PTPRG: variants seen among roughly 807,000 people sequenced by gnomAD.
PTPRG encodes the protein protein tyrosine phosphatase receptor type G.
In PTPRG, 102 loss-of-function variants were observed where a neutral mutation model predicts 165.3. The observed-to-expected ratio is 0.62, with a 90% CI of 0.53 to 0.73. The LOEUF is 0.73. Among genes scored for constraint, PTPRG ranks in the 30% least tolerant of loss-of-function variants. PTPRG has a pLI of 0.00. For missense variants in PTPRG, 1,866 were observed against 1,861.4 expected, an observed-to-expected ratio of 1.00 and a Z score of -0.05; for synonymous variants, 675 against 669.5, an observed-to-expected ratio of 1.01 and a Z score of -0.13.
At position 62,178,804 on chromosome 3, in the gene PTPRG, A is replaced by G. The variant is rs1576101027; in HGVS notation, c.1033+10641A>G. ...TCTTCAAGGCCAACTTAGCAACCCT[A>G]CTCTGGCTTTCTTTGCTCACTAGAA... On this transcript the variant is annotated intron_variant, in intron 8 of 29. Transcript: ENST00000474889. Among the ~76,000 whole-genome samples the G allele has an allele frequency of 2.6e-5, 4 of 152,022 alleles. No homozygotes were observed. The East Asian group carries it at 7.7e-4, about 29-fold the overall frequency.
chr3:61,634,837 C>G (rs1701863243), intron 1 of PTPRG, among the ~76,000 whole-genome samples: 1 of 152,174 alleles, frequency 6.6e-6, no homozygotes, highest in South Asian at 2.1e-4. Flanking sequence ...GATGCCATAT[C>G]TGATATGCTG....
At chr3:61,795,014 G>A (rs1379593291) in intron 2 of PTPRG, among the ~76,000 whole-genome samples, 1 of 152,180 alleles carries the variant, frequency 6.6e-6, no homozygotes, top group Admixed American at 6.5e-5. Flanking sequence ...AGAAGCAGCA[G>A]TATCAATGAT....
Position 61,786,449 on chromosome 3 carries a change from G to A in PTPRG, c.190+37467G>A, listed in dbSNP as rs770734094. On this transcript the variant is annotated intron_variant, in intron 2 of 29. Coordinates refer to ENST00000474889, the MANE Select transcript of PTPRG (RefSeq NM_002841.4). ...TCATGAGTTATTTCATCAGTTGGTCGCTAGTTATGGTTCTTTATCTTTCAA... is the reference window on the plus strand; with the variant it reads ...TCATGAGTTATTTCATCAGTTGGTCACTAGTTATGGTTCTTTATCTTTCAA... Among the ~76,000 whole-genome samples the A allele has an allele frequency of 4.6e-5, 7 of 152,062 alleles. 1 individual carries two copies. The highest frequency in any genetic ancestry group is 2.0e-4 in the Admixed American group (3 of 15,266).
At chr3:61,953,010 T>A (rs2039934979) in intron 2 of PTPRG, among the ~76,000 whole-genome samples, 1 of 152,190 alleles carries the variant, frequency 6.6e-6, no homozygotes, top group Non-Finnish European at 1.5e-5. Context: ...TTTTGTGGCT[T>A]CCAATAGGTC....
chr3:61,587,226 A>G (rs567602281), intron 1 of PTPRG, among the ~76,000 whole-genome samples: 2 of 152,240 alleles, frequency 1.3e-5, no homozygotes, highest in African/African-American at 4.8e-5. Context: ...TGTAGCTATC[A>G]CTTATAATTT....
At chr3:62,152,671 T>C (rs1319252598) in intron 6 of PTPRG, among the ~76,000 whole-genome samples, 4 of 152,206 alleles carry the variant, frequency 2.6e-5, no homozygotes, top group Non-Finnish European at 5.9e-5. Flanking sequence ...TGAACTGAGA[T>C]GGGGGAAAAA....
chr3:62,103,346 C>T (rs1576006387), intron 5 of PTPRG, among the ~76,000 whole-genome samples: 1 of 151,268 alleles, frequency 6.6e-6, no homozygotes, highest in Admixed American at 6.6e-5. Context: ...ACCAGCTCCC[C>T]ACCAGTGCTA....
chr3:61,624,100 G>C (rs1330214308), intron 1 of PTPRG, among the ~76,000 whole-genome samples: 3 of 152,220 alleles, frequency 2.0e-5, no homozygotes, highest in African/African-American at 7.2e-5. Flanking sequence ...CCTTGATAAA[G>C]GTTTTGGGTT....
chr3:62,153,423 C>T (rs954439541), intron 6 of PTPRG, among the ~76,000 whole-genome samples: 2 of 152,324 alleles, frequency 1.3e-5, no homozygotes, highest in African/African-American at 4.8e-5. Flanking sequence ...CCTAAGGTTG[C>T]ACAGCCATCA....
intron 2 of PTPRG, among the ~76,000 whole-genome samples, chr3:61,805,570 C>T (rs1327376617): frequency 6.7e-6 from 1 of 148,666 alleles, no homozygotes; most frequent in Admixed American, 6.7e-5. Flanking sequence ...CCCCATGGCA[C>T]AAGTTATCCA....
chr3:62,194,804 A>G (rs1351085885), intron 9 of PTPRG, among the ~76,000 whole-genome samples: 1 of 148,728 alleles, frequency 6.7e-6, no homozygotes, highest in Non-Finnish European at 1.5e-5. Flanking sequence ...CTTCATCTCA[A>G]TAAAAAAAAA....
At chr3:62,225,813 C>T (rs2106906893) in intron 13 of PTPRG, among the ~76,000 whole-genome samples, 1 of 152,122 alleles carries the variant, frequency 6.6e-6, no homozygotes, top group Non-Finnish European at 1.5e-5. Context: ...CACCACCACG[C>T]CCAGCTAATT....
chr3:62,183,186 G>C (rs918831708), intron 8 of PTPRG, among the ~76,000 whole-genome samples: 2 of 152,204 alleles, frequency 1.3e-5, no homozygotes, highest in African/African-American at 2.4e-5. Flanking sequence ...CAGAATTCCC[G>C]TGAGGATTTG....
chr3:62,040,717 C>T (rs1388302207), intron 4 of PTPRG, among the ~76,000 whole-genome samples: 2 of 152,190 alleles, frequency 1.3e-5, no homozygotes, highest in East Asian at 3.8e-4. Flanking sequence ...GCTTGGATTA[C>T]AGGTGTGAGC....
chr3:62,270,806 A>G (rs1375234291), intron 20 of PTPRG, among the ~76,000 whole-genome samples: 1 of 152,140 alleles, frequency 6.6e-6, no homozygotes, highest in Non-Finnish European at 1.5e-5. Flanking sequence ...GTTAAAATGT[A>G]AAAAGTTCAG....
intron 2 of PTPRG, among the ~76,000 whole-genome samples, chr3:61,887,119 CATGCAT>C (rs1381736253): frequency 0.012 from 1,286 of 103,214 alleles, 120 homozygotes; most frequent in African/African-American, 0.024. Context: ...ATAACCATAG[CATGCAT>C]ATATATATAT....
chr3:62,034,817 G>A (rs1352364568), intron 4 of PTPRG, among the ~76,000 whole-genome samples: 1 of 152,188 alleles, frequency 6.6e-6, no homozygotes, highest in Admixed American at 6.5e-5. Flanking sequence ...TTTCTCCACA[G>A]TATACTTGGC....
At chr3:61,960,461 G>C (rs2040125026) in intron 2 of PTPRG, among the ~76,000 whole-genome samples, 1 of 151,948 alleles carries the variant, frequency 6.6e-6, no homozygotes, top group Admixed American at 6.6e-5. Context: ...TTAGCTTTTG[G>C]GGTGATTTTT....
At chr3:61,564,071 TG>T in intron 1 of PTPRG, among the ~76,000 whole-genome samples, 1 of 152,332 alleles carries the variant, frequency 6.6e-6, no homozygotes, top group Middle Eastern at 3.4e-3. Context: ...GTTTGCCCAC[TG>T]GAGTCCTGCC....
Sources: allele counts gnomAD v4.1 joint callset (sites outside exome capture counted in the v4.1 genomes callset), GRCh38; gene constraint gnomAD v4.1.1; transcripts MANE v1.5; gene names NCBI Gene and HGNC (gene_info 2026-07-23, HGNC 2026-07-21).